The following FAM171A1 variants were observed in gnomAD, a reference collection of about 807,000 sequenced individuals.
FAM171A1 encodes the protein family with sequence similarity 171 member A1, also known as protein FAM171A1.
In FAM171A1, 23 loss-of-function variants were observed where a neutral mutation model predicts 74.9. The observed-to-expected ratio is 0.31, with a 90% CI of 0.22 to 0.44. The LOEUF is 0.44. Ranked by LOEUF, FAM171A1 falls within the 20% of genes least tolerant of loss-of-function variation. The pLI is 1.00. For missense variants in FAM171A1, 1,162 were observed against 1,159.2 expected (o/e 1.00, Z -0.03); for synonymous variants, 527 against 505.7 (o/e 1.04, Z -0.57).
At chr10:15,363,740 A>G (rs1357155590) in intron 1 of FAM171A1, among the ~76,000 whole-genome samples, 3 of 152,060 alleles carry the variant, frequency 2.0e-5, no homozygotes, top group Non-Finnish European at 4.4e-5. Context: ...ACCCTGCCCA[A>G]ATGTCACCTG....
At chr10:15,370,784 C>T (rs1836133381) in intron 1 of FAM171A1, among the ~76,000 whole-genome samples, 172 bp downstream of exon 1, 1 of 148,332 alleles carries the variant, frequency 6.7e-6, no homozygotes, top group Non-Finnish European at 1.5e-5. Context: ...CGGCCCGCGC[C>T]GCCCCCTCGG....
Position 15,213,690 on chromosome 10 carries a change from A to G in FAM171A1, c.1898T>C (p.Ile633Thr). 1 of 1,612,734 alleles carries G rather than the reference A, an allele frequency of 6.2e-7. No individual in the cohort carries two copies. The highest frequency in any genetic ancestry group is 8.5e-7 in the Non-Finnish European group (1 of 1,179,236). Residue 633 changes from isoleucine (I) to threonine (T), a missense_variant, in exon 8 of 8, where the codon ATC becomes ACC. Ile to Thr is a moderately conservative substitution (Grantham distance 89). Coordinates refer to ENST00000378116, the MANE Select transcript of FAM171A1 (RefSeq NM_001010924.2). The surrounding 1 kb of genome is among the most constrained non-coding windows in gnomAD (Gnocchi z 6.8). ...AGIFPHPSSQ[I>T]QPQPLSSQAI... ...CTGGGAAGACAGGGGCTGGGGCTGGATCTGTGAGGACGGGTGTGGGAAGAT... is the reference window on the plus strand; with the variant it reads ...CTGGGAAGACAGGGGCTGGGGCTGGGTCTGTGAGGACGGGTGTGGGAAGAT...
chr10:15,264,567 T>G (rs1471443095), intron 3 of FAM171A1, among the ~76,000 whole-genome samples: 2 of 152,154 alleles, frequency 1.3e-5, no homozygotes, highest in African/African-American at 2.4e-5. Flanking sequence ...GGCAGATAGC[T>G]TGAGCCTAGG....
intron 5 of FAM171A1, among the ~76,000 whole-genome samples, chr10:15,236,291 A>G (rs1834289105): frequency 6.6e-6 from 1 of 151,704 alleles, no homozygotes; most frequent in Non-Finnish European, 1.5e-5. Flanking sequence ...CTTCCAAAAA[A>G]AAAAAAAAAA....
chr10:15,351,628 G>C (rs1037544468), intron 1 of FAM171A1, among the ~76,000 whole-genome samples: 7 of 41,554 alleles, frequency 1.7e-4, no homozygotes, highest in Non-Finnish European at 3.3e-4. Context: ...TGGATGCATG[G>C]ATAGATGGAT....
At chr10:15,283,455 C>G (rs1834995435) in intron 2 of FAM171A1, among the ~76,000 whole-genome samples, 1 of 152,194 alleles carries the variant, frequency 6.6e-6, no homozygotes. Context: ...AAAGCAGTGG[C>G]CTCAAGCTTT....
intron 2 of FAM171A1, among the ~76,000 whole-genome samples, chr10:15,280,701 T>C (rs945861939): frequency 2.0e-5 from 3 of 152,218 alleles, no homozygotes; most frequent in Non-Finnish European, 2.9e-5. Flanking sequence ...TGCACACGTG[T>C]GGGAAAGAAG....
rs895022302 is a variant in FAM171A1 at position 15,339,222 on chromosome 10, C to T, written c.97+31734G>A. Among the ~76,000 whole-genome samples the T allele has an allele frequency of 5.9e-5, 9 of 152,176 alleles. No individual in the cohort carries two copies. In the South Asian group the frequency reaches 8.3e-4, roughly 14 times the overall value. ...TGAGAATTCCTATGTATCTCTCACC[C>T]AGTTTCTGGTTATTAATATTAGTTG... On this transcript the variant is annotated intron_variant, in intron 1 of 7. Coordinates refer to ENST00000378116, the MANE Select transcript of FAM171A1 (RefSeq NM_001010924.2).
intron 5 of FAM171A1, among the ~76,000 whole-genome samples, chr10:15,240,504 T>C (rs981383763): frequency 6.6e-6 from 1 of 152,176 alleles, no homozygotes; most frequent in Admixed American, 6.6e-5. Flanking sequence ...AATGAATATA[T>C]AGGTTGAAAT....
intron 1 of FAM171A1, among the ~76,000 whole-genome samples, chr10:15,336,436 C>T (rs35424938): frequency 0.072 from 11,002 of 151,884 alleles, 506 homozygotes; most frequent in Middle Eastern, 0.11. Flanking sequence ...TGTCAACATA[C>T]GGGGCTGTGG....
At chr10:15,264,845 G>T (rs553424054) in intron 3 of FAM171A1, among the ~76,000 whole-genome samples, 1 of 148,754 alleles carries the variant, frequency 6.7e-6, no homozygotes, top group Non-Finnish European at 1.5e-5. Flanking sequence ...TTATCTACAT[G>T]GTAGTAAAGA....
chr10:15,278,876 A>G (rs1226872288), intron 2 of FAM171A1, among the ~76,000 whole-genome samples: 1 of 152,140 alleles, frequency 6.6e-6, no homozygotes, highest in East Asian at 1.9e-4. Context: ...TCGTAGGTAA[A>G]CTATTATCAG....
intron 1 of FAM171A1, among the ~76,000 whole-genome samples, chr10:15,285,482 A>C (rs759460276): frequency 3.6e-4 from 55 of 152,214 alleles, no homozygotes; most frequent in Non-Finnish European, 7.6e-4. Context: ...TAAGCATTCA[A>C]TTAAGAGGAC....
chr10:15,226,121 G>A (rs1489277399), intron 5 of FAM171A1, among the ~76,000 whole-genome samples: 1 of 152,218 alleles, frequency 6.6e-6, no homozygotes, highest in African/African-American at 2.4e-5. Flanking sequence ...ATGTGGTGAA[G>A]GCAAGCAGGA....
intron 5 of FAM171A1, among the ~76,000 whole-genome samples, chr10:15,244,000 T>C (rs947792273): frequency 2.6e-5 from 4 of 152,166 alleles, no homozygotes; most frequent in Non-Finnish European, 4.4e-5. Flanking sequence ...TCTGCCCACC[T>C]TGGCCTCCCA....
intron 1 of FAM171A1, among the ~76,000 whole-genome samples, chr10:15,308,673 A>C (rs1039599467): frequency 6.6e-6 from 1 of 151,620 alleles, no homozygotes; most frequent in Non-Finnish European, 1.5e-5. Flanking sequence ...ACAAACAAAC[A>C]AACCCCAAAA....
intron 3 of FAM171A1, among the ~76,000 whole-genome samples, chr10:15,259,763 C>A (rs1206037139): frequency 6.6e-6 from 1 of 151,934 alleles, no homozygotes; most frequent in African/African-American, 2.4e-5. Flanking sequence ...GCCCTGCTGA[C>A]TGCCAACCAG....
chr10:15,332,069 C>A (rs1350274504), intron 1 of FAM171A1, among the ~76,000 whole-genome samples: 2 of 151,626 alleles, frequency 1.3e-5, no homozygotes, highest in Non-Finnish European at 2.9e-5. Flanking sequence ...CGTGCCTCAG[C>A]CTCCCAGGTA....
chr10:15,243,440 A>G (rs1392496236), intron 5 of FAM171A1, among the ~76,000 whole-genome samples: 3 of 152,194 alleles, frequency 2.0e-5, no homozygotes, highest in Non-Finnish European at 4.4e-5. Context: ...TGGACATCAA[A>G]AACTTCTTTA....
Sources: allele counts gnomAD v4.1 joint callset (sites outside exome capture counted in the v4.1 genomes callset), GRCh38; gene constraint gnomAD v4.1.1; non-coding constraint Gnocchi (gnomAD v3.1); transcripts MANE v1.5; gene names NCBI Gene and HGNC (gene_info 2026-07-23, HGNC 2026-07-21).